CNTNAP3B: variants seen among roughly 807,000 people sequenced by gnomAD.
CNTNAP3B encodes the protein contactin-associated protein-like 3B.
Under a neutral mutation model 108.9 loss-of-function variants are expected in CNTNAP3B, and 25 were observed. That is an observed-to-expected ratio of 0.23 (90% CI 0.17 to 0.32). CNTNAP3B has a LOEUF of 0.32. Ranked by LOEUF, CNTNAP3B falls within the 10% of genes least tolerant of loss-of-function variation. The pLI, the probability that CNTNAP3B is intolerant of heterozygous loss-of-function variation, is 1.00. For missense variants in CNTNAP3B, 252 were observed against 1,210.4 expected, an observed-to-expected ratio of 0.21 and a Z score of 11.75; for synonymous variants, 103 against 473.4, an observed-to-expected ratio of 0.22 and a Z score of 10.16.
At position 42,116,869 on chromosome 9, in the gene CNTNAP3B, G is replaced by A. The variant is rs1373391596; in HGVS notation, c.86-12130C>T. On this transcript the variant is annotated intron_variant, in intron 1 of 23. Coordinates refer to ENST00000377561, the MANE Select transcript of CNTNAP3B (RefSeq NM_001201380.3). ...GGAAAACAAAAAAAAAGCAGGGGTT[G>A]GAATCCTAGTCTCTGATAAAACAGA... 2.8e-4 allele frequency among the ~76,000 whole-genome samples: 39 copies of A among 137,426 alleles called. 8 individuals carry two copies. The highest frequency in any genetic ancestry group is 4.6e-4 in the Non-Finnish European group (30 of 64,530). 90.2% of individuals were successfully genotyped at this position (137,426 alleles called of 152,430 possible). A position where few individuals can be genotyped will look rare whatever the true frequency, so the allele number is the denominator to read the frequency against.
chr9:42,086,254 G>T (rs1461141615), intron 2 of CNTNAP3B, among the ~76,000 whole-genome samples: 1 of 141,474 alleles, frequency 7.1e-6, no homozygotes, highest in African/African-American at 2.8e-5. Flanking sequence ...CCGCCCCCAT[G>T]ATTCAGTTAT....
intron 3 of CNTNAP3B, among the ~76,000 whole-genome samples, chr9:42,071,821 T>C (rs1827383863): frequency 6.9e-6 from 1 of 145,940 alleles, no homozygotes; most frequent in African/African-American, 2.6e-5. Flanking sequence ...TGTGAAGGAA[T>C]GGAAGTCATT....
Position 42,121,229 on chromosome 9 carries a change from C to T in CNTNAP3B, c.85+7781G>A, listed in dbSNP as rs140713333. ...TCCTGAGAGCTTCCCAGGGAGTTCA[C>T]GCCCCAGTTGCTCACAGAAGTGACC... is the stretch of plus-strand genomic sequence containing the variant. On this transcript the variant is annotated intron_variant, in intron 1 of 23. Transcript: ENST00000377561. Among the ~76,000 whole-genome samples the T allele has an allele frequency of 1.7e-4, 23 of 138,486 alleles. 4 individuals carry two copies. Among genetic ancestry groups the T allele is most frequent in the Admixed American group, 5.8e-4 (8 of 13,900 alleles). 90.9% of individuals were successfully genotyped at this position (138,486 alleles called of 152,430 possible). A position where few individuals can be genotyped will look rare whatever the true frequency, so the allele number is the denominator to read the frequency against.
At chr9:41,933,926 T>G (rs1428585412) in intron 14 of CNTNAP3B, among the ~76,000 whole-genome samples, 1 of 152,048 alleles carries the variant, frequency 6.6e-6, no homozygotes, top group East Asian at 1.9e-4. Flanking sequence ...CAATAATGTA[T>G]AATACATTCT....
intron 2 of CNTNAP3B, among the ~76,000 whole-genome samples, chr9:42,089,378 T>A (rs1341900394): frequency 8.0e-6 from 1 of 124,286 alleles, no homozygotes; most frequent in African/African-American, 3.2e-5. Flanking sequence ...TACAAAACAA[T>A]GAAATCTCAC....
intron 6 of CNTNAP3B, among the ~76,000 whole-genome samples, 177 bp downstream of exon 6, chr9:41,997,391 A>T (rs1198910796): frequency 6.3e-4 from 95 of 150,794 alleles, no homozygotes; most frequent in African/African-American, 1.3e-3. Context: ...GGTGGAAAAG[A>T]TGATCTATTA....
At chr9:42,125,665 G>GTTTTTTT (rs200934708) in intron 1 of CNTNAP3B, among the ~76,000 whole-genome samples, 2 of 118,972 alleles carry the variant, frequency 1.7e-5, no homozygotes, top group African/African-American at 3.5e-5. Flanking sequence ...TACATTTTTT[G>GTTTTTTT]TTTTTTTTTT....
chr9:41,959,600 CG>C (rs1196347515), intron 12 of CNTNAP3B, among the ~76,000 whole-genome samples: 61 of 152,158 alleles, frequency 4.0e-4, no homozygotes, highest in African/African-American at 1.2e-3. Flanking sequence ...TTGTTTGAGT[CG>C]GGATTTTGGA....
intron 3 of CNTNAP3B, among the ~76,000 whole-genome samples, chr9:42,053,350 T>G (rs1304633751): frequency 7.7e-6 from 1 of 130,296 alleles, no homozygotes; most frequent in Non-Finnish European, 1.6e-5. Flanking sequence ...GCCAGTGGCA[T>G]ATAAAATTAG....
intron 12 of CNTNAP3B, among the ~76,000 whole-genome samples, chr9:41,960,556 A>C (rs774614515): frequency 6.6e-6 from 1 of 152,242 alleles, no homozygotes; most frequent in Non-Finnish European, 1.5e-5. Context: ...GGAGCTAGAG[A>C]GATGCCTTGG....
At chr9:42,044,319 G>T (rs1360757800) in intron 3 of CNTNAP3B, among the ~76,000 whole-genome samples, 1 of 151,256 alleles carries the variant, frequency 6.6e-6, no homozygotes, top group East Asian at 1.9e-4. Context: ...AGCACTGTTT[G>T]CAGTTTCTGG....
At chr9:41,943,752 A>G (rs1023187172) in intron 13 of CNTNAP3B, among the ~76,000 whole-genome samples, 11 of 152,220 alleles carry the variant, frequency 7.2e-5, no homozygotes, top group African/African-American at 1.7e-4. Flanking sequence ...ATTTAAAATA[A>G]TGACAGTTGA....
chr9:42,024,663 G>T (rs78438631), intron 3 of CNTNAP3B, among the ~76,000 whole-genome samples: 2 of 107,892 alleles, frequency 1.9e-5, no homozygotes, highest in Non-Finnish European at 3.8e-5. Context: ...ATGGCTCCAG[G>T]GTTCACAAAA....
At chr9:42,071,389 G>C (rs1389471962) in intron 3 of CNTNAP3B, among the ~76,000 whole-genome samples, 1 of 139,616 alleles carries the variant, frequency 7.2e-6, no homozygotes, top group Non-Finnish European at 1.5e-5. Flanking sequence ...TACAAAGGAT[G>C]GATCTTGCTT....
intron 2 of CNTNAP3B, among the ~76,000 whole-genome samples, chr9:42,103,722 G>A (rs1479606140): frequency 3.8e-5 from 3 of 78,564 alleles, no homozygotes; most frequent in Admixed American, 1.4e-4. Context: ...GTGACAGAGC[G>A]AGACTCCGTC....
intron 15 of CNTNAP3B, among the ~76,000 whole-genome samples, chr9:41,924,680 C>CACACACACACACAT (rs1823763886): frequency 6.9e-6 from 1 of 145,392 alleles, no homozygotes; most frequent in Admixed American, 6.8e-5. Flanking sequence ...CACACACACA[C>CACACACACACACAT]ACACACACAC....
chr9:42,124,451 G>C (rs1828524648), intron 1 of CNTNAP3B, among the ~76,000 whole-genome samples: 1 of 137,118 alleles, frequency 7.3e-6, no homozygotes, highest in African/African-American at 2.9e-5. Context: ...TGAATTCCTT[G>C]ACAAAATACA....
intron 1 of CNTNAP3B, among the ~76,000 whole-genome samples, chr9:42,121,656 C>T (rs1412647524): frequency 7.1e-6 from 1 of 139,868 alleles, no homozygotes; most frequent in Non-Finnish European, 1.5e-5. Context: ...GGAAAGCTGC[C>T]CAATCTCTTC....
chr9:41,963,914 G>T (rs1187200906), intron 11 of CNTNAP3B, among the ~76,000 whole-genome samples: 119 of 151,684 alleles, frequency 7.8e-4, no homozygotes, highest in African/African-American at 2.7e-3. Context: ...ATAGCAGAGG[G>T]CTGACATAAG....
Sources: allele counts gnomAD v4.1 joint callset (sites outside exome capture counted in the v4.1 genomes callset), GRCh38; gene constraint gnomAD v4.1.1; transcripts MANE v1.5; gene names NCBI Gene and HGNC (gene_info 2026-07-23, HGNC 2026-07-21).